Variants in USP47 observed in about 807,000 individuals in gnomAD.
USP47 encodes the protein ubiquitin carboxyl-terminal hydrolase 47.
Under a neutral mutation model 165.1 loss-of-function variants are expected in USP47, and 35 were observed. The ratio of observed to expected loss-of-function variants is 0.21; its 90% CI spans 0.16 to 0.28. The LOEUF (loss-of-function observed/expected upper bound fraction) is 0.28, where lower values mean the gene tolerates loss of function less well. Ranked by LOEUF, USP47 falls within the 10% of genes least tolerant of loss-of-function variation. The pLI, the probability that USP47 is intolerant of heterozygous loss-of-function variation, is 1.00. For missense variants in USP47, 1,277 were observed against 1,607.4 expected, an observed-to-expected ratio of 0.79 and a Z score of 3.52; for synonymous variants, 531 against 544.5, an observed-to-expected ratio of 0.98 and a Z score of 0.35.
intron 10 of USP47, among the ~76,000 whole-genome samples, chr11:11,921,231 C>G (rs988081914): frequency 6.6e-6 from 1 of 151,090 alleles, no homozygotes; most frequent in Non-Finnish European, 1.5e-5. Flanking sequence ...TACCCTGAAG[C>G]GTTTTTTTTT....
At chr11:11,851,351 G>A (rs7949831) in intron 1 of USP47, among the ~76,000 whole-genome samples, 2,650 of 152,286 alleles carry the variant, frequency 0.017, 61 homozygotes, top group East Asian at 0.083. Context: ...AAGAGTAGAA[G>A]AGGAGGTCTG....
chr11:11,928,150 A>G (rs1173026407), intron 11 of USP47, among the ~76,000 whole-genome samples: 1 of 151,978 alleles, frequency 6.6e-6, no homozygotes, highest in Non-Finnish European at 1.5e-5. Context: ...CTAAATGGGG[A>G]GACTGCTTAT....
At chr11:11,864,388 T>G (rs1849554773) in intron 1 of USP47, among the ~76,000 whole-genome samples, 1 of 152,168 alleles carries the variant, frequency 6.6e-6, no homozygotes, top group African/African-American at 2.4e-5. Flanking sequence ...TAACATAACA[T>G]TTACTGTCTT....
At position 11,859,271 on chromosome 11, in the gene USP47, G is replaced by C. The variant is rs543988101; in HGVS notation, c.39+17047G>C. Among the ~76,000 whole-genome samples the C allele has an allele frequency of 5.9e-5, 9 of 152,234 alleles. No homozygotes were observed. The South Asian group carries it at 1.9e-3, about 32-fold the overall frequency. On this transcript the variant is annotated intron_variant, in intron 1 of 27. Coordinates refer to ENST00000527733, the MANE Select transcript of USP47 (RefSeq NM_001282659.2). ...CCTCAAAGAGTTTGTGATTTATATA[G>C]GGAAAACTGGTAATAATGTTAACAT...
chr11:11,936,559 T>A (rs1855087928), intron 17 of USP47, 49 bp downstream of exon 17: 2 of 1,411,614 alleles, frequency 1.4e-6, no homozygotes, highest in Admixed American at 2.4e-5. Context: ...AGAATTTTCA[T>A]GAGAAAGTTT....
chr11:11,913,564 G>A (rs1301301715), intron 8 of USP47, among the ~76,000 whole-genome samples: 2 of 151,868 alleles, frequency 1.3e-5, no homozygotes, highest in East Asian at 3.9e-4. Context: ...AAATAAAGCT[G>A]ATCTCATGAA....
rs78319185 is a variant in USP47, at chr11:11,847,009, T to C, written c.39+4785T>C. Among the ~76,000 whole-genome samples, 1,095 of 152,240 alleles carry C rather than the reference T, an allele frequency of 7.2e-3. 13 individuals carry two copies. Among genetic ancestry groups the C allele is most frequent in the African/African-American group, 0.025 (1,034 of 41,572 alleles). On this transcript the variant is annotated intron_variant, in intron 1 of 27. Coordinates refer to ENST00000527733, the MANE Select transcript of USP47 (RefSeq NM_001282659.2). ...ATAAAAGTCAGTATTTTAGATATCA[T>C]TGGAAATGCTCATTTAATGAATGAA...
In USP47 at chr11:11,957,808, G is replaced by A. The variant is rs1333569672; in HGVS notation, c.*1633G>A. ...GCTCTGCCATTTGAATATAATCACC[G>A]AGAATTCCATGTCTTAAAAGTCTCC... On this transcript the variant is annotated 3_prime_UTR_variant, in exon 28 of 28. Coordinates refer to ENST00000527733, the MANE Select transcript of USP47 (RefSeq NM_001282659.2). 6 of 151,372 alleles carry A rather than the reference G, an allele frequency of 4.0e-5. No individual in the cohort carries two copies. The highest frequency in any genetic ancestry group is 1.5e-4 in the African/African-American group (6 of 41,134). 9.4% of individuals were successfully genotyped at this position (151,372 alleles called of 1,614,324 possible).
chr11:11,869,618 C>G (rs1446679848), intron 1 of USP47, among the ~76,000 whole-genome samples: 1 of 152,122 alleles, frequency 6.6e-6, no homozygotes, highest in Non-Finnish European at 1.5e-5. Flanking sequence ...GGATAATCAT[C>G]AAAATTTTCA....
In USP47 at chr11:11,948,536, A is replaced by T. The variant is rs1341101697; in HGVS notation, c.3326A>T (p.Gln1109Leu). The stretch of plus-strand genomic sequence containing the variant: ...GGAGAATACAGAGTTAAAGTATACC[A>T]GCTTTTGGTCAATGAACAAGAGGTA... ...KKGEYRVKVY[Q>L]LLVNEQEPCK... The change falls in exon 22 of 28, where the codon CAG becomes CTG. Residue 1109 changes from glutamine to leucine, a missense_variant. Physicochemically the swap from Gln to Leu is moderately radical, Grantham distance 113 (BLOSUM62 -2). This residue lies in a region of USP47 where 909 missense variants were observed against 1,068.1 expected (regional missense o/e 0.85). Transcript: ENST00000527733. The T allele has an allele frequency of 2.0e-5, 32 of 1,612,564 alleles. No homozygotes were observed. Among genetic ancestry groups the T allele is most frequent in the Non-Finnish European group, 2.7e-5 (32 of 1,178,918 alleles).
chr11:11,852,045 C>G (rs1339197806), intron 1 of USP47, among the ~76,000 whole-genome samples: 1 of 152,192 alleles, frequency 6.6e-6, no homozygotes, highest in South Asian at 2.1e-4. Flanking sequence ...TTATTAAGTA[C>G]TTTGATTTAA....
chr11:11,871,945 AAC>A (rs1414114269), intron 1 of USP47, among the ~76,000 whole-genome samples: 5 of 152,218 alleles, frequency 3.3e-5, no homozygotes, highest in Non-Finnish European at 2.9e-5. Context: ...AAGGAGCACC[AAC>A]AGGATTGGAA....
chr11:11,938,661 G>A (rs191765865), intron 18 of USP47, among the ~76,000 whole-genome samples: 18 of 152,086 alleles, frequency 1.2e-4, no homozygotes, highest in East Asian at 7.7e-4. Context: ...CAGTAAACAC[G>A]AAAGTTTGGG....
chr11:11,880,988 A>G (rs941268526), intron 2 of USP47, among the ~76,000 whole-genome samples: 2 of 152,140 alleles, frequency 1.3e-5, no homozygotes, highest in Non-Finnish European at 2.9e-5. Context: ...CTTTGAGGGT[A>G]TACTTTCTAA....
At chr11:11,885,172 C>G (rs373161643) in intron 3 of USP47, among the ~76,000 whole-genome samples, 1 of 152,016 alleles carries the variant, frequency 6.6e-6, no homozygotes, top group Non-Finnish European at 1.5e-5. Context: ...GCTATTCCAC[C>G]AGAGATTTTT....
chr11:11,854,889 C>T (rs61870715), intron 1 of USP47, among the ~76,000 whole-genome samples: 2,876 of 146,258 alleles, frequency 0.02, 396 homozygotes, highest in Middle Eastern at 0.061. Context: ...GTCAGGAGAT[C>T]GAGACCATCC....
chr11:11,956,281 GAC>G lies in USP47; in HGVS notation c.*109_*110del, dbSNP rs1856554371. The G allele has an allele frequency of 4.0e-6, 5 of 1,263,922 alleles. No homozygotes were observed. In the Admixed American group the frequency reaches 5.9e-5, roughly 15 times the overall value. The allele number at this position is 1,263,922 out of a possible 1,614,324, so 78.3% of individuals were successfully genotyped here. A position where few individuals can be genotyped will look rare whatever the true frequency, so the allele number is the denominator to read the frequency against. On this transcript the variant is annotated 3_prime_UTR_variant, in exon 28 of 28. Coordinates refer to ENST00000527733, the MANE Select transcript of USP47 (RefSeq NM_001282659.2). Reference sequence around the variant, plus strand: ...CCGGACATGGTTGGGGTAACCCAGTGACACCAGCACTGATTGGACTGCCCTAC... The same window carrying G: ...CCGGACATGGTTGGGGTAACCCAGTGACCAGCACTGATTGGACTGCCCTAC...
intron 8 of USP47, among the ~76,000 whole-genome samples, chr11:11,914,140 A>G (rs1035183856): frequency 1.1e-4 from 16 of 152,138 alleles, no homozygotes; most frequent in Admixed American, 8.5e-4. Context: ...ATGGAATACT[A>G]CTTAGCCAAA....
At chr11:11,876,339 A>G (rs917732123) in intron 1 of USP47, among the ~76,000 whole-genome samples, 2 of 152,196 alleles carry the variant, frequency 1.3e-5, no homozygotes, top group African/African-American at 4.8e-5. Flanking sequence ...TGGATGTAGT[A>G]CTTAAATGAA....
Sources: gnomAD v4.1 joint callset for allele counts (sites outside exome capture counted in the v4.1 genomes callset) on GRCh38, gnomAD v4.1.1 for gene constraint, gnomAD v4.1.1 regional missense constraint, MANE v1.5 for transcripts, NCBI Gene and HGNC (gene_info 2026-07-23, HGNC 2026-07-21) for gene names.